Variants in ST3GAL5 observed in about 807,000 individuals in gnomAD.
ST3GAL5 encodes the protein lactosylceramide alpha-2,3-sialyltransferase.
Under a neutral mutation model 46.1 loss-of-function variants are expected in ST3GAL5, and 25 were observed. The ratio of observed to expected loss-of-function variants is 0.54; its 90% confidence interval spans 0.40 to 0.76. The LOEUF (loss-of-function observed/expected upper bound fraction) is 0.76. Among genes scored for constraint, ST3GAL5 ranks in the 30% least tolerant of loss-of-function variants. The pLI is 0.00. For missense variants in ST3GAL5, 431 were observed against 521.2 expected, an observed-to-expected ratio of 0.83 and a Z score of 1.69; for synonymous variants, 182 against 192.7, an observed-to-expected ratio of 0.94 and a Z score of 0.46.
intron 1 of ST3GAL5, among the ~76,000 whole-genome samples, chr2:85,874,206 T>C (rs1260621508): frequency 1.3e-5 from 2 of 152,238 alleles, no homozygotes; most frequent in Non-Finnish European, 2.9e-5. Context: ...CCTCTAGTGT[T>C]GAGAACACAT....
At chr2:85,843,327 GT>G (rs2103928755) in intron 6 of ST3GAL5, among the ~76,000 whole-genome samples, 1 of 152,214 alleles carries the variant, frequency 6.6e-6, no homozygotes, top group Non-Finnish European at 1.5e-5. Context: ...ATTTAAAATG[GT>G]TTAATATTGC....
chr2:85,888,734 C>T, intron 1 of ST3GAL5, 90 bp downstream of exon 1: 1 of 1,028,494 alleles, frequency 9.7e-7, no homozygotes, highest in Non-Finnish European at 1.2e-6. Flanking sequence ...GGAAACGCCG[C>T]GCCCAGCCGG....
chr2:85,864,619 TA>T (rs1269128628), intron 1 of ST3GAL5, among the ~76,000 whole-genome samples: 1 of 152,116 alleles, frequency 6.6e-6, no homozygotes, highest in African/African-American at 2.4e-5. Context: ...TATGGCAATT[TA>T]AAAACACTTT....
chr2:85,887,595 T>A (rs894022111), intron 1 of ST3GAL5: 2 of 152,264 alleles, frequency 1.3e-5, no homozygotes, highest in Non-Finnish European at 2.9e-5. Context: ...GGAATTCAGG[T>A]GCTTCTAGGC....
In ST3GAL5 at chr2:85,847,889, T is replaced by C; in HGVS notation, c.634A>G (p.Thr212Ala). The change falls in exon 4 of 7, where the codon ACC (threonine) becomes GCC (alanine). Residue 212 changes from threonine (T) to alanine (A), a missense_variant. Physicochemically the swap from Thr to Ala is moderately conservative, Grantham distance 58. Transcript: ENST00000638572. ...ATCACAACATCGAACTGGTTCAGGG[T>C]GTGGCCCAGTTCTAATCCGTGCAGT... ...GILHGLELGH[T>A]LNQFDVVIRL... The C allele has an allele frequency of 6.2e-7, 1 of 1,613,764 alleles. No homozygotes were observed. Among genetic ancestry groups the C allele is most frequent in the Non-Finnish European group, 8.5e-7 (1 of 1,179,960 alleles).
intron 3 of ST3GAL5, chr2:85,850,440 G>A (rs1683353855): frequency 6.6e-6 from 1 of 152,300 alleles, no homozygotes; most frequent in Non-Finnish European, 1.5e-5. Flanking sequence ...GAAATCAGCA[G>A]GAAAGCCAAG....
rs1681642168 is a variant in ST3GAL5, at chr2:85,838,189, C to CAAG, written c.*1952_*1954dup. 1 of 152,102 alleles carries CAAG rather than the reference C, an allele frequency of 6.6e-6. No individual in the cohort carries two copies. Among genetic ancestry groups the CAAG allele is most frequent in the African/African-American group, 2.4e-5 (1 of 41,360 alleles). 9.4% of individuals were successfully genotyped at this position (152,102 alleles called of 1,614,324 possible). A position where few individuals can be genotyped will look rare whatever the true frequency, so the allele number is the denominator to read the frequency against. ...ACATGAGCAAAGCAACCTAAGGATG[C>CAAG]AAGAAGGGCCTTACAGGGAGGAGGG... On this transcript the variant is annotated 3_prime_UTR_variant, in exon 7 of 7. Transcript: ENST00000638572.
At position 85,875,121 on chromosome 2, in the gene ST3GAL5, G is replaced by A. The variant is rs113417989; in HGVS notation, c.83-11636C>T. Among the ~76,000 whole-genome samples the A allele has an allele frequency of 5.0e-3, 768 of 152,204 alleles. 9 individuals are homozygous for A. The highest frequency in any genetic ancestry group is 0.017 in the African/African-American group (710 of 41,520). On this transcript the variant is annotated intron_variant, in intron 1 of 6. Transcript: ENST00000638572. ...GTCAGCCAGGCTGGAGTGCAGTGGCGTGATCACAGCTCAGTGTAACCTCGA... is the reference window on the plus strand; with the variant it reads ...GTCAGCCAGGCTGGAGTGCAGTGGCATGATCACAGCTCAGTGTAACCTCGA...
chr2:85,847,694 C>T (rs1308949813), intron 4 of ST3GAL5, 167 bp downstream of exon 4: 5 of 1,303,268 alleles, frequency 3.8e-6, no homozygotes, highest in African/African-American at 1.5e-5. Flanking sequence ...ACTGGGGAGG[C>T]TGTGGTGGGA....
chr2:85,881,827 A>T (rs574537227), intron 1 of ST3GAL5, among the ~76,000 whole-genome samples: 6 of 152,382 alleles, frequency 3.9e-5, no homozygotes, highest in Non-Finnish European at 7.3e-5. Flanking sequence ...AATTCAAGCC[A>T]GCTGCAGAAA....
At chr2:85,841,387 C>T (rs1682077776) in intron 6 of ST3GAL5, among the ~76,000 whole-genome samples, 1 of 151,804 alleles carries the variant, frequency 6.6e-6, no homozygotes, top group Non-Finnish European at 1.5e-5. Context: ...GGTTGGGGTA[C>T]AGTGGCGCGA....
intron 6 of ST3GAL5, among the ~76,000 whole-genome samples, chr2:85,842,747 T>TA (rs1682292318): frequency 6.6e-6 from 1 of 152,050 alleles, no homozygotes; most frequent in Admixed American, 6.6e-5. Context: ...CTTTTATTGT[T>TA]AAAGTGTTCT....
intron 2 of ST3GAL5, among the ~76,000 whole-genome samples, chr2:85,862,305 A>C (rs1429883663): frequency 1.3e-5 from 2 of 152,162 alleles, no homozygotes; most frequent in Admixed American, 1.3e-4. Flanking sequence ...TATTTCTCAT[A>C]TACACAAGAA....
intron 3 of ST3GAL5, among the ~76,000 whole-genome samples, chr2:85,857,034 G>A (rs1684188536): frequency 7.7e-6 from 1 of 129,276 alleles, no homozygotes; most frequent in Non-Finnish European, 1.6e-5. Flanking sequence ...TTTGCGACTA[G>A]CCTGGGAAAC....
chr2:85,874,428 C>T (rs1259199188), intron 1 of ST3GAL5, among the ~76,000 whole-genome samples: 3 of 152,100 alleles, frequency 2.0e-5, no homozygotes, highest in South Asian at 4.1e-4. Flanking sequence ...TCACACTCTC[C>T]TCCTCACTCC....
chr2:85,843,736 G>C (rs191863148), intron 6 of ST3GAL5, among the ~76,000 whole-genome samples: 1 of 152,126 alleles, frequency 6.6e-6, no homozygotes, highest in Admixed American at 6.5e-5. Flanking sequence ...ACACCCCCAC[G>C]CCCCTGGTGG....
chr2:85,857,117 A>T (rs1275376025), intron 3 of ST3GAL5, among the ~76,000 whole-genome samples: 1 of 145,360 alleles, frequency 6.9e-6, no homozygotes, highest in Non-Finnish European at 1.5e-5. Context: ...ATGGTGGTGC[A>T]TGCTATAGTC....
At position 85,848,119 on chromosome 2, in the gene ST3GAL5, T is replaced by C. The variant is rs765551315; in HGVS notation, c.404A>G (p.His135Arg). The C allele has an allele frequency of 1.2e-6, 2 of 1,614,212 alleles. No individual in the cohort carries two copies. The highest frequency in any genetic ancestry group is 8.5e-7 in the Non-Finnish European group (1 of 1,180,032). ...AKTSMALLFE[H>R]RYSVDLLPFV... ...AGGGAGTAAGTCCACGCTATACCTG[T>C]GCTCAAATAACAGCGCCATTGATGT... The change falls in exon 4 of 7, where the codon CAC (histidine) becomes CGC (arginine). Residue 135 changes from histidine (H) to arginine (R), a missense_variant. Transcript: ENST00000638572.
In ST3GAL5 at chr2:85,837,402, G is replaced by C. The variant is rs1332186095; in HGVS notation, c.*2742C>G. ...TAAAAAAGTGGATCTCATGAAGATAGAGAGTAGATTGGTAGTTACCAGAGG... is the reference window on the plus strand; with the variant it reads ...TAAAAAAGTGGATCTCATGAAGATACAGAGTAGATTGGTAGTTACCAGAGG... On this transcript the variant is annotated 3_prime_UTR_variant, in exon 7 of 7. Coordinates refer to ENST00000638572, the MANE Select transcript of ST3GAL5 (RefSeq NM_003896.4). The C allele has an allele frequency of 6.6e-6, 1 of 152,158 alleles. No homozygotes were observed. Among genetic ancestry groups the C allele is most frequent in the East Asian group, 1.9e-4 (1 of 5,192 alleles). The allele number at this position is 152,158 out of a possible 1,614,324, so 9.4% of individuals were successfully genotyped here.
Sources: allele counts gnomAD v4.1 joint callset (sites outside exome capture counted in the v4.1 genomes callset), GRCh38; gene constraint gnomAD v4.1.1; transcripts MANE v1.5; gene names NCBI Gene and HGNC (gene_info 2026-07-23, HGNC 2026-07-21).